Variants in NCOA2 observed in about 807,000 individuals in gnomAD.
NCOA2 encodes class E basic helix-loop-helix protein 75.
In NCOA2, 21 loss-of-function variants were observed where a neutral mutation model predicts 145.1. The ratio of observed to expected loss-of-function variants is 0.14; its 90% CI spans 0.10 to 0.21. The LOEUF (loss-of-function observed/expected upper bound fraction) is 0.21, where lower values mean the gene tolerates loss of function less well. Ranked by LOEUF, NCOA2 falls within the 10% of genes least tolerant of loss-of-function variation. The probability of loss-of-function intolerance (pLI) is 1.00; values close to 1 mark genes in which losing one functional copy is unlikely to be tolerated. For synonymous variants in NCOA2, 619 were observed against 637.5 expected (o/e 0.97, Z 0.44); for missense variants, 1,472 against 1,837.6 (o/e 0.80, Z 3.64).
chr8:70,236,891 T>C (rs529955428), intron 2 of NCOA2, among the ~76,000 whole-genome samples: 9 of 152,284 alleles, frequency 5.9e-5, no homozygotes, highest in East Asian at 3.9e-4. Flanking sequence ...ACCAATCCCC[T>C]GTAATACTGA....
chr8:70,412,404 TATATATAAA>T, the NCOA2 span, among the ~76,000 whole-genome samples: 1 of 149,158 alleles, frequency 6.7e-6, no homozygotes, highest in Non-Finnish European at 1.5e-5. Flanking sequence ...ATTTTATATA[TATATATAAA>T]ATATATAAAG....
At chr8:70,402,896 C>A (rs909819774) in intron 1 of NCOA2, among the ~76,000 whole-genome samples, 3 of 143,762 alleles carry the variant, frequency 2.1e-5, no homozygotes, top group African/African-American at 7.5e-5. Flanking sequence ...GCCCCCACCA[C>A]GGCCCGGCCT....
At chr8:70,211,561 T>C (rs1819031407) in intron 4 of NCOA2, among the ~76,000 whole-genome samples, 1 of 152,208 alleles carries the variant, frequency 6.6e-6, no homozygotes, top group African/African-American at 2.4e-5. Flanking sequence ...ACATGGCTCA[T>C]GATATCTTCA....
rs150803843 is a variant in NCOA2 at position 70,137,746 on chromosome 8, G to A, written c.3158+457C>T. On this transcript the variant is annotated intron_variant, in intron 15 of 22. Transcript: ENST00000452400. ...CAGCCAGTTTGGGACGAGCCACACC[G>A]CCTGCCTGAGGTTCTTCCTCTGTCA... Among the ~76,000 whole-genome samples the A allele has an allele frequency of 3.0e-4, 45 of 152,314 alleles. No individual in the cohort carries two copies. In the East Asian group the frequency reaches 7.5e-3, roughly 25 times the overall value.
At chr8:70,422,321 A>C in the NCOA2 span, among the ~76,000 whole-genome samples, 1 of 152,090 alleles carries the variant, frequency 6.6e-6, no homozygotes, top group Non-Finnish European at 1.5e-5. Context: ...CACCCACTGC[A>C]AGTCCAAATT....
the NCOA2 span, among the ~76,000 whole-genome samples, chr8:70,420,132 A>C: frequency 1.7e-3 from 263 of 152,318 alleles, no homozygotes; most frequent in African/African-American, 5.6e-3. Flanking sequence ...GATAGTAAAT[A>C]AATAAATGAA....
rs182169072 is a variant in NCOA2 at position 70,204,612 on chromosome 8, T to C, written c.259+9291A>G. ...GTATTTTCTCCTGATATAAAACCAT[T>C]ACACAAGGCTGAATAAAGGCCAGGA... On this transcript the variant is annotated intron_variant, in intron 4 of 22. Coordinates refer to ENST00000452400, the MANE Select transcript of NCOA2 (RefSeq NM_006540.4). Among the ~76,000 whole-genome samples, 17 of 152,332 alleles carry C rather than the reference T, an allele frequency of 1.1e-4. No homozygotes were observed. In the East Asian group the frequency reaches 3.3e-3, roughly 29 times the overall value.
chr8:70,144,652 G>A lies in NCOA2; in HGVS notation c.2802C>T (p.Asn934=). The A allele has an allele frequency of 2.5e-6, 4 of 1,613,604 alleles. No individual in the cohort carries two copies. Among genetic ancestry groups the A allele is most frequent in the Non-Finnish European group, 3.4e-6 (4 of 1,179,564 alleles). ...CATTTGACCCCTTACCTGTGCTACT[G>A]TTCCCTAAATTTCCTTGGTTTCCTA... is the stretch of plus-strand genomic sequence containing the variant. ...GMIGNQGNLG[N]SSTGMIGNSA... is the part of the protein sequence containing the mutation. The change falls in exon 13 of 23, where the codon AAC becomes AAT. Residue 934 remains asparagine, a synonymous_variant. Transcript: ENST00000452400.
At position 70,113,690 on chromosome 8, in the gene NCOA2, A is replaced by G. The variant is rs901423800; in HGVS notation, c.4384-47T>C. 5 of 1,529,150 alleles carry G rather than the reference A, an allele frequency of 3.3e-6. No individual in the cohort carries two copies. The East Asian group carries it at 9.8e-5, about 30-fold the overall frequency. 94.7% of individuals were successfully genotyped at this position (1,529,150 alleles called of 1,614,324 possible). ...GTTGTGAAACATCTTTGAGGTTTTG[A>G]AAAAAACATCATAAAGCCCACCACA... On this transcript the variant is annotated intron_variant, in intron 22 of 22. Coordinates refer to ENST00000452400, the MANE Select transcript of NCOA2 (RefSeq NM_006540.4).
chr8:70,138,015 G>C, intron 15 of NCOA2, 188 bp downstream of exon 15: 1 of 437,516 alleles, frequency 2.3e-6, no homozygotes, highest in Non-Finnish European at 3.9e-6. Flanking sequence ...CATTTAATTT[G>C]TAACTCCTTT....
chr8:70,429,859 G>A, the NCOA2 span, among the ~76,000 whole-genome samples: 2 of 152,114 alleles, frequency 1.3e-5, no homozygotes, highest in African/African-American at 4.8e-5. Flanking sequence ...GTTTTTGTGT[G>A]TGTGGGGTTT....
intron 1 of NCOA2, among the ~76,000 whole-genome samples, chr8:70,335,374 T>C (rs146648566): frequency 2.3e-4 from 35 of 152,276 alleles, no homozygotes; most frequent in African/African-American, 7.2e-4. Flanking sequence ...TCTTTTTGTC[T>C]ACTGAAGCAA....
chr8:70,164,530 G>A (rs1465020051), intron 7 of NCOA2, among the ~76,000 whole-genome samples: 2 of 151,968 alleles, frequency 1.3e-5, no homozygotes, highest in African/African-American at 2.4e-5. Context: ...ATCCTCCACA[G>A]GTATTCATGC....
chr8:70,440,440 G>A, the NCOA2 span, among the ~76,000 whole-genome samples: 634 of 152,252 alleles, frequency 4.2e-3, 6 homozygotes, highest in African/African-American at 0.014. Context: ...CAGGTGTGGC[G>A]GCACACACCT....
chr8:70,448,080 T>C, the NCOA2 span, among the ~76,000 whole-genome samples: 1 of 152,232 alleles, frequency 6.6e-6, no homozygotes, highest in Non-Finnish European at 1.5e-5. Flanking sequence ...ATAGGCATAG[T>C]TGTTATTTCT....
chr8:70,341,082 G>GAAGAAAAAAA (rs1808094477), intron 1 of NCOA2, among the ~76,000 whole-genome samples: 1 of 105,070 alleles, frequency 9.5e-6, no homozygotes, highest in African/African-American at 3.2e-5. Flanking sequence ...TTAAAAAGTT[G>GAAGAAAAAAA]AAAAAAAAAA....
chr8:70,329,793 T>C (rs1448796798), intron 1 of NCOA2, among the ~76,000 whole-genome samples: 3 of 152,132 alleles, frequency 2.0e-5, no homozygotes, highest in Non-Finnish European at 2.9e-5. Flanking sequence ...GATGCAACAA[T>C]GCACAGCAAA....
chr8:70,382,381 G>C lies in NCOA2; in HGVS notation c.-77+21319C>G, dbSNP rs529694603. Among the ~76,000 whole-genome samples the C allele has an allele frequency of 3.4e-4, 52 of 152,244 alleles. No individual in the cohort carries two copies. The South Asian group carries it at 0.011, about 31-fold the overall frequency. ...AATAAACTGGCTAGAATAAAGGGTT[G>C]TTTAGCATAGTGTAAGGCTTACATT... is the stretch of plus-strand genomic sequence containing the variant. On this transcript the variant is annotated intron_variant, in intron 1 of 22. Coordinates refer to ENST00000452400, the MANE Select transcript of NCOA2 (RefSeq NM_006540.4).
intron 1 of NCOA2, among the ~76,000 whole-genome samples, chr8:70,304,216 A>G (rs1827710045): frequency 6.6e-6 from 1 of 152,222 alleles, no homozygotes. Context: ...GTCCTGTAAT[A>G]TTATAATACC....
Sources: gnomAD v4.1 joint callset for allele counts (sites outside exome capture counted in the v4.1 genomes callset) on GRCh38, gnomAD v4.1.1 for gene constraint, MANE v1.5 for transcripts, NCBI Gene and HGNC (gene_info 2026-07-23, HGNC 2026-07-21) for gene names.